The following PTGER2 variants were observed in gnomAD, a reference collection of about 807,000 sequenced individuals.
PTGER2 encodes the protein prostaglandin E receptor 2.
In PTGER2, 22 loss-of-function variants were observed where a neutral mutation model predicts 26.2. The ratio of observed to expected loss-of-function variants is 0.84; its 90% CI spans 0.60 to 1.20. The LOEUF (loss-of-function observed/expected upper bound fraction) is 1.20. PTGER2 is among the 50% of genes most tolerant of loss of function. The pLI is 0.00. For synonymous variants in PTGER2, 219 were observed against 208.9 expected, an observed-to-expected ratio of 1.05 and a Z score of -0.42; for missense variants, 458 against 475.2, an observed-to-expected ratio of 0.96 and a Z score of 0.34.
chr14:52,315,228 G>A lies in PTGER2; in HGVS notation c.680G>A (p.Arg227His). The A allele has an allele frequency of 6.2e-7, 1 of 1,611,746 alleles. No individual in the cohort carries two copies. Among genetic ancestry groups the A allele is most frequent in the Non-Finnish European group, 8.5e-7 (1 of 1,179,892 alleles). ...SVILNLIRMH[R>H]RSRRSRCGPS... ...ATTCTCAACCTCATCCGCATGCACCGCCGAAGCCGGAGAAGCCGCTGCGGA... is the reference window on the plus strand; with the variant it reads ...ATTCTCAACCTCATCCGCATGCACCACCGAAGCCGGAGAAGCCGCTGCGGA... The change falls in exon 1 of 2, where the codon CGC becomes CAC. Residue 227 changes from arginine to histidine, a missense_variant. By Grantham distance (29) the Arg-to-His change is conservative. Coordinates refer to ENST00000245457, the MANE Select transcript of PTGER2 (RefSeq NM_000956.4).
At chr14:52,325,779 G>A (rs141189555) in intron 1 of PTGER2, among the ~76,000 whole-genome samples, 17 of 152,066 alleles carry the variant, frequency 1.1e-4, no homozygotes, top group Admixed American at 7.2e-4. Flanking sequence ...AAGATTCTCC[G>A]GCATAAACAC....
intron 1 of PTGER2, among the ~76,000 whole-genome samples, chr14:52,323,848 C>T (rs1386216632): frequency 1.3e-5 from 2 of 152,206 alleles, no homozygotes; most frequent in African/African-American, 4.8e-5. Flanking sequence ...TCACTTGACT[C>T]ATTGGGATTA....
intron 1 of PTGER2, among the ~76,000 whole-genome samples, chr14:52,319,392 T>C (rs1463591065): frequency 6.6e-6 from 1 of 152,182 alleles, no homozygotes; most frequent in Non-Finnish European, 1.5e-5. Flanking sequence ...ATAAAATCTT[T>C]CATCAGAACA....
intron 1 of PTGER2, among the ~76,000 whole-genome samples, chr14:52,324,149 G>C (rs1159258541): frequency 6.6e-6 from 1 of 152,166 alleles, no homozygotes; most frequent in Non-Finnish European, 1.5e-5. Flanking sequence ...ATGCAGTCAA[G>C]TGCATCCACA....
chr14:52,316,233 G>T (rs1285810569), intron 1 of PTGER2, among the ~76,000 whole-genome samples: 1 of 152,222 alleles, frequency 6.6e-6, no homozygotes, highest in Non-Finnish European at 1.5e-5. Context: ...GAAGGGAAGA[G>T]TGGGGCTACC....
intron 1 of PTGER2, among the ~76,000 whole-genome samples, chr14:52,319,680 T>C (rs138450626): frequency 6.6e-6 from 1 of 152,326 alleles, no homozygotes; most frequent in African/African-American, 2.4e-5. Context: ...TGTCTTCATA[T>C]CCAACTCATA....
intron 1 of PTGER2, among the ~76,000 whole-genome samples, chr14:52,318,069 T>C (rs2033858951): frequency 1.3e-5 from 2 of 152,240 alleles, no homozygotes; most frequent in Non-Finnish European, 2.9e-5. Flanking sequence ...GGTTCATACA[T>C]TCTGCTGTTC....
chr14:52,321,346 C>T (rs1444969755), intron 1 of PTGER2, among the ~76,000 whole-genome samples: 2 of 152,118 alleles, frequency 1.3e-5, no homozygotes, highest in Non-Finnish European at 2.9e-5. Context: ...ATATAACAAT[C>T]TATGCTTGCA....
Position 52,314,554 on chromosome 14 carries a change from C to T in PTGER2, c.6C>T (p.Gly2=). 2 of 1,492,308 alleles carry T rather than the reference C, an allele frequency of 1.3e-6. No homozygotes were observed. Among genetic ancestry groups the T allele is most frequent in the South Asian group, 1.4e-5 (1 of 70,358 alleles). 92.4% of individuals were successfully genotyped at this position (1,492,308 alleles called of 1,614,324 possible). A position where few individuals can be genotyped will look rare whatever the true frequency, so the allele number is the denominator to read the frequency against. M[G]NASNDSQSED... ...TCTTTTCCAGGCACCCCACCATGGG[C>T]AATGCCTCCAATGACTCCCAGTCTG... Residue 2 remains glycine, a synonymous_variant, in exon 1 of 2, where the codon GGC becomes GGT. Coordinates refer to ENST00000245457, the MANE Select transcript of PTGER2 (RefSeq NM_000956.4). The surrounding 1 kb of genome is among the most constrained non-coding windows in gnomAD (Gnocchi z 5.7).
Position 52,327,736 on chromosome 14 carries a change from TC to T in PTGER2, c.*284del. On this transcript the variant is annotated 3_prime_UTR_variant, in exon 2 of 2. Coordinates refer to ENST00000245457, the MANE Select transcript of PTGER2 (RefSeq NM_000956.4). Reference sequence around the variant, plus strand: ...TCCAGCTGCCTATTGATTTAAGCTTTCCTGTTGAATGACAAAGTATGTGGTT... The same window carrying T: ...TCCAGCTGCCTATTGATTTAAGCTTTCTGTTGAATGACAAAGTATGTGGTT... 2.9e-6 allele frequency: 1 copy of T among 343,490 alleles called. No homozygotes were observed. The allele number at this position is 343,490 out of a possible 1,614,324, so 21.3% of individuals were successfully genotyped here.
At chr14:52,318,615 A>G (rs1254893610) in intron 1 of PTGER2, among the ~76,000 whole-genome samples, 1 of 152,198 alleles carries the variant, frequency 6.6e-6, no homozygotes, top group Non-Finnish European at 1.5e-5. Flanking sequence ...GGCAACAAGG[A>G]GGACAGCTGT....
chr14:52,314,543 C>T lies in PTGER2; in HGVS notation c.-6C>T, dbSNP rs1222839625. On this transcript the variant is annotated 5_prime_UTR_variant, in exon 1 of 2. Transcript: ENST00000245457. The surrounding 1 kb of genome is among the most constrained non-coding windows in gnomAD (Gnocchi z 5.7). ...GAGGGCGCATCTCTTTTCCAGGCAC[C>T]CCACCATGGGCAATGCCTCCAATGA... The T allele has an allele frequency of 2.0e-6, 3 of 1,479,634 alleles. No individual in the cohort carries two copies. The highest frequency in any genetic ancestry group is 2.7e-6 in the Non-Finnish European group (3 of 1,116,198). The allele number at this position is 1,479,634 out of a possible 1,614,324, so 91.7% of individuals were successfully genotyped here. A position where few individuals can be genotyped will look rare whatever the true frequency, so the allele number is the denominator to read the frequency against.
chr14:52,314,374 G>C lies in PTGER2; in HGVS notation c.-175G>C. 1.4e-6 allele frequency: 1 copy of C among 701,064 alleles called. No homozygotes were observed. The highest frequency in any genetic ancestry group is 2.0e-6 in the Non-Finnish European group (1 of 503,960). The allele number at this position is 701,064 out of a possible 1,614,324, so 43.4% of individuals were successfully genotyped here. ...CAGCAGCCGAGCCGCCACTCGGCGCGCGGCGGGAGACCCAGGGCAAGCCGC... is the reference window on the plus strand; with the variant it reads ...CAGCAGCCGAGCCGCCACTCGGCGCCCGGCGGGAGACCCAGGGCAAGCCGC... On this transcript the variant is annotated 5_prime_UTR_variant, in exon 1 of 2. Coordinates refer to ENST00000245457, the MANE Select transcript of PTGER2 (RefSeq NM_000956.4). This position sits in a 1 kb window ranked among gnomAD's most constrained non-coding sequence, Gnocchi z 5.7.
chr14:52,320,544 C>T (rs1324107426), intron 1 of PTGER2, among the ~76,000 whole-genome samples: 2 of 151,986 alleles, frequency 1.3e-5, no homozygotes, highest in African/African-American at 2.4e-5. Context: ...ATGGTGAGAC[C>T]GTGTTTCAGG....
chr14:52,322,104 A>G (rs1180421061), intron 1 of PTGER2, among the ~76,000 whole-genome samples: 1 of 152,142 alleles, frequency 6.6e-6, no homozygotes, highest in East Asian at 1.9e-4. Context: ...GTATCGGGGG[A>G]ACTCACCCCC....
At position 52,314,979 on chromosome 14, in the gene PTGER2, ACCAGCGCCGCGTCTCGCGCT is replaced by A. The variant is rs1269021407; in HGVS notation, c.434_453del (p.Gln145ArgfsTer137). The A allele has an allele frequency of 6.2e-7, 1 of 1,613,096 alleles. No individual in the cohort carries two copies. On this transcript the variant is annotated frameshift_variant, in exon 1 of 2. Transcript: ENST00000245457. LOFTEE classifies it high-confidence loss of function. This position sits in a 1 kb window ranked among gnomAD's most constrained non-coding sequence, Gnocchi z 5.7. ...CTCTCGATCGGGCACCCCTACTTCT[ACCAGCGCCGCGTCTCGCGCT>A]CCGGGGGCCTGGCCGTGCTGCCTGT... is the stretch of plus-strand genomic sequence containing the variant.
chr14:52,325,447 T>G (rs1377081073), intron 1 of PTGER2, among the ~76,000 whole-genome samples: 3 of 152,234 alleles, frequency 2.0e-5, no homozygotes, highest in Admixed American at 1.3e-4. Context: ...CTGGTTAAAC[T>G]AGATCATCAA....
intron 1 of PTGER2, among the ~76,000 whole-genome samples, chr14:52,321,469 C>G (rs1225761359): frequency 1.3e-5 from 2 of 152,170 alleles, no homozygotes; most frequent in Admixed American, 6.5e-5. Context: ...TATCCATAAA[C>G]TTTTGAAGAG....
Position 52,314,953 on chromosome 14 carries a change from C to T in PTGER2, c.405C>T (p.Tyr135=), listed in dbSNP as rs1056827223. ...TCTTCGCCATGGCCCTGGAGCGCTACCTCTCGATCGGGCACCCCTACTTCT... is the reference window on the plus strand; with the variant it reads ...TCTTCGCCATGGCCCTGGAGCGCTATCTCTCGATCGGGCACCCCTACTTCT... The part of the protein sequence containing the change: ...LMLFAMALER[Y]LSIGHPYFYQ... The change falls in exon 1 of 2, where the codon TAC becomes TAT. Residue 135 remains tyrosine, a synonymous_variant. Transcript: ENST00000245457. The surrounding 1 kb of genome is among the most constrained non-coding windows in gnomAD (Gnocchi z 5.7). The T allele has an allele frequency of 2.5e-6, 4 of 1,613,130 alleles. No individual in the cohort carries two copies. In the African/African-American group the frequency reaches 4.0e-5, roughly 16 times the overall value.
Sources: gnomAD v4.1 joint callset for allele counts (sites outside exome capture counted in the v4.1 genomes callset) on GRCh38, gnomAD v4.1.1 for gene constraint, Gnocchi (gnomAD v3.1) non-coding constraint, MANE v1.5 for transcripts, NCBI Gene and HGNC (gene_info 2026-07-23, HGNC 2026-07-21) for gene names.